YLPM1: variants seen among roughly 807,000 people sequenced by gnomAD.
The protein encoded by YLPM1 is YLP motif containing 1, also known as YLP motif-containing protein 1.
Under a neutral mutation model 230.0 loss-of-function variants are expected in YLPM1, and 99 were observed. The observed-to-expected ratio is 0.43, with a 90% CI of 0.37 to 0.51. The LOEUF (loss-of-function observed/expected upper bound fraction) is 0.51, where lower values mean the gene tolerates loss of function less well. Among genes scored for constraint, YLPM1 ranks in the 20% least tolerant of loss-of-function variants. YLPM1 has a pLI of 0.00. For synonymous variants in YLPM1, 984 were observed against 942.5 expected (o/e 1.04, Z -0.81); for missense variants, 2,592 against 2,707.7 (o/e 0.96, Z 0.95).
chr14:74,822,649 A>G (rs982868520), intron 17 of YLPM1, among the ~76,000 whole-genome samples: 1 of 152,152 alleles, frequency 6.6e-6, no homozygotes, highest in Non-Finnish European at 1.5e-5. Context: ...CCATTCAAAG[A>G]TGCAGAATTG....
At chr14:74,823,586 A>G (rs1424993824) in intron 17 of YLPM1, among the ~76,000 whole-genome samples, 2 of 152,140 alleles carry the variant, frequency 1.3e-5, no homozygotes, top group Non-Finnish European at 2.9e-5. Context: ...TGTAAGAGGA[A>G]AACATAATTT....
intron 2 of YLPM1, among the ~76,000 whole-genome samples, chr14:74,779,829 A>G (rs1594813221): frequency 3.6e-5 from 4 of 111,366 alleles, no homozygotes; most frequent in African/African-American, 3.8e-5. Context: ...TTTGAGATGG[A>G]GTCTTGCTCT....
In YLPM1 at chr14:74,764,247, C is replaced by G. The variant is rs539871695; in HGVS notation, c.758C>G (p.Pro253Arg). 5.0e-6 allele frequency: 8 copies of G among 1,613,814 alleles called. No individual in the cohort carries two copies. Among genetic ancestry groups the G allele is most frequent in the South Asian group, 1.1e-5 (1 of 91,090 alleles). The change falls in exon 1 of 21, where the codon CCC becomes CGC. Residue 253 changes from proline (P) to arginine (R), a missense_variant. By Grantham distance (103) the Pro-to-Arg change is moderately radical. Transcript: ENST00000325680. ...CTAGCTCCACCACCACCGTCCGCCC[C>G]CCCTGGAAATAAGACAACTGTCCAG... ...QLLAPPPPSA[P>R]PGNKTTVQQE...
rs189953928 is a variant in YLPM1, at chr14:74,798,502, C to A, written c.3205C>A (p.Arg1069=). The A allele has an allele frequency of 1.2e-4, 188 of 1,613,700 alleles. No homozygotes were observed. The Admixed American group carries it at 1.9e-3, about 17-fold the overall frequency. Residue 1069 remains arginine, a synonymous_variant, in exon 5 of 21, where the codon CGA becomes AGA. Transcript: ENST00000325680. ...GATGATGGGTAGAAGAGAAGATAGTCGAGAGAAGATGAACAGAGGAGAAGG... is the reference window on the plus strand; with the variant it reads ...GATGATGGGTAGAAGAGAAGATAGTAGAGAGAAGATGAACAGAGGAGAAGG... ...DKMMGRREDS[R]EKMNRGEGSR... is the part of the protein sequence containing the mutation.
chr14:74,779,101 C>CA (rs1284224913), intron 2 of YLPM1, among the ~76,000 whole-genome samples: 2 of 152,104 alleles, frequency 1.3e-5, no homozygotes, highest in Admixed American at 6.6e-5. Context: ...TTCGGCCTCC[C>CA]AAAGTGCTTG....
At chr14:74,779,394 T>A in intron 2 of YLPM1, among the ~76,000 whole-genome samples, 1 of 152,094 alleles carries the variant, frequency 6.6e-6, no homozygotes, top group Non-Finnish European at 1.5e-5. Context: ...CTCTGCAAAA[T>A]GGGTATATTC....
intron 1 of YLPM1, among the ~76,000 whole-genome samples, chr14:74,770,139 G>A (rs1423913530): frequency 1.3e-5 from 2 of 150,812 alleles, no homozygotes; most frequent in African/African-American, 4.9e-5. Flanking sequence ...CCGAGATCGC[G>A]CCACTGCACT....
In YLPM1 at chr14:74,809,405, C is replaced by T. The variant is rs535283513; in HGVS notation, c.4547C>T (p.Pro1516Leu). ...YPPPGSYRPP[P>L]PMGKPPGSIV... ...CCTCCAGGGTCGTATAGACCTCCCCCTCCTATGGGCAAACCACCAGGTTCA... is the reference window on the plus strand; with the variant it reads ...CCTCCAGGGTCGTATAGACCTCCCCTTCCTATGGGCAAACCACCAGGTTCA... Residue 1516 changes from proline (P) to leucine (L), a missense_variant, in exon 7 of 21, where the codon CCT becomes CTT. Coordinates refer to ENST00000325680, the MANE Select transcript of YLPM1 (RefSeq NM_019589.3). 6.2e-7 allele frequency: 1 copy of T among 1,609,190 alleles called. No homozygotes were observed. Among genetic ancestry groups the T allele is most frequent in the Non-Finnish European group, 8.5e-7 (1 of 1,177,494 alleles).
chr14:74,818,438 A>G, intron 16 of YLPM1, 124 bp downstream of exon 16: 1 of 643,628 alleles, frequency 1.6e-6, no homozygotes, highest in Non-Finnish European at 2.4e-6. Flanking sequence ...ACCTACTGAT[A>G]TGCCTTTCAT....
chr14:74,766,111 A>T (rs1423633600), intron 1 of YLPM1, among the ~76,000 whole-genome samples: 2 of 152,188 alleles, frequency 1.3e-5, no homozygotes, highest in East Asian at 3.8e-4. Context: ...TCCCTTGCAG[A>T]CAGGAATTAT....
Position 74,764,183 on chromosome 14 carries a change from C to G in YLPM1, c.694C>G (p.Pro232Ala), listed in dbSNP as rs1199364939. 6.2e-7 allele frequency: 1 copy of G among 1,613,562 alleles called. No homozygotes were observed. Among genetic ancestry groups the G allele is most frequent in the Non-Finnish European group, 8.5e-7 (1 of 1,179,830 alleles). The change falls in exon 1 of 21, where the codon CCT (proline) becomes GCT (alanine). Residue 232 changes from proline to alanine, a missense_variant. Pro to Ala is a conservative substitution (Grantham distance 27). Transcript: ENST00000325680. Reference protein sequence around the residue: ...QSYLPSSQASPSRPSQGHSKS... With the variant: ...QSYLPSSQASASRPSQGHSKS... ...CTACTTGCCCTCTTCTCAGGCATCT[C>G]CTTCCCGCCCCTCCCAGGGCCATTC...
intron 4 of YLPM1, among the ~76,000 whole-genome samples, chr14:74,795,815 G>A (rs1356086965): frequency 2.0e-5 from 3 of 152,136 alleles, no homozygotes; most frequent in Non-Finnish European, 2.9e-5. Flanking sequence ...TGTTATAATC[G>A]AGATCCAAGT....
rs760625854 is a variant in YLPM1, at chr14:74,799,416, T to C, written c.4119T>C (p.Ile1373=). 1 of 1,613,854 alleles carries C rather than the reference T, an allele frequency of 6.2e-7. No individual in the cohort carries two copies. The highest frequency in any genetic ancestry group is 8.5e-7 in the Non-Finnish European group (1 of 1,179,894). ...RDFRDRGELR[I]REYPERGDTW... is the part of the protein sequence containing the mutation. ...TCCGTGATAGGGGTGAGTTGAGGAT[T>C]CGAGAGTATCCAGAAAGAGGAGATA... The change falls in exon 5 of 21, where the codon ATT becomes ATC. Residue 1373 remains isoleucine (I), a synonymous_variant. Transcript: ENST00000325680.
rs1174181402 is a variant in YLPM1, at chr14:74,780,505, G to A, written c.1211G>A (p.Gly404Glu). 6 of 1,613,970 alleles carry A rather than the reference G, an allele frequency of 3.7e-6. No homozygotes were observed. The highest frequency in any genetic ancestry group is 5.1e-6 in the Non-Finnish European group (6 of 1,179,886). ...CATCGAGTCGGTTTCCAGTATCAGGGAATAATGCAGAAGCACACTCAGTTA... is the reference window on the plus strand; with the variant it reads ...CATCGAGTCGGTTTCCAGTATCAGGAAATAATGCAGAAGCACACTCAGTTA... ...QQHRVGFQYQ[G>E]IMQKHTQLQQ... Residue 404 changes from glycine (G) to glutamate (E), a missense_variant, in exon 3 of 21, where the codon GGA becomes GAA. By Grantham distance (98) the Gly-to-Glu change is moderately conservative. Around this residue, in one of 4 missense-constraint regions of YLPM1, gnomAD observed 1,862 missense variants for 1,819.8 expected, o/e 1.02. Coordinates refer to ENST00000325680, the MANE Select transcript of YLPM1 (RefSeq NM_019589.3).
intron 4 of YLPM1, among the ~76,000 whole-genome samples, chr14:74,784,534 G>A (rs1356597226): frequency 2.6e-5 from 4 of 152,198 alleles, no homozygotes; most frequent in African/African-American, 9.7e-5. Flanking sequence ...TAGAATCCAA[G>A]GACTTCTGAC....
chr14:74,810,834 T>A (rs1422448471), intron 9 of YLPM1, among the ~76,000 whole-genome samples: 2 of 152,114 alleles, frequency 1.3e-5, no homozygotes, highest in Non-Finnish European at 2.9e-5. Context: ...TACTATTTTG[T>A]ATGGAGACGG....
chr14:74,832,771 C>A (rs2091617146), intron 19 of YLPM1, among the ~76,000 whole-genome samples: 1 of 152,164 alleles, frequency 6.6e-6, no homozygotes, highest in South Asian at 2.1e-4. Flanking sequence ...CTGTGCCTGG[C>A]CTAATTCCAA....
chr14:74,799,580 A>G lies in YLPM1; in HGVS notation c.4283A>G (p.Glu1428Gly), dbSNP rs2091305146. The part of the protein sequence containing the change: ...EHMPSSHHSS[E>G]MMGSDASLDS... Reference sequence around the variant, plus strand: ...ATGCCCTCCTCACATCATTCCTCAGAAATGATGGGGTCCGATGCAAGCTTA... The same window carrying G: ...ATGCCCTCCTCACATCATTCCTCAGGAATGATGGGGTCCGATGCAAGCTTA... Residue 1428 changes from glutamate (E) to glycine (G), a missense_variant, in exon 5 of 21, where the codon GAA becomes GGA. This residue lies in a region of YLPM1 where 1,862 missense variants were observed against 1,819.8 expected (regional missense o/e 1.02). Transcript: ENST00000325680. 2 of 1,613,864 alleles carry G rather than the reference A, an allele frequency of 1.2e-6. No individual in the cohort carries two copies. The highest frequency in any genetic ancestry group is 1.1e-5 in the South Asian group (1 of 91,086).
At chr14:74,835,222 T>A in intron 19 of YLPM1, 43 bp from the exon 20 acceptor site, 2 of 1,605,738 alleles carry the variant, frequency 1.2e-6, no homozygotes, top group Non-Finnish European at 1.7e-6. Context: ...TCTTTGCATA[T>A]TTATTTTTCC....
Sources: allele counts gnomAD v4.1 joint callset (sites outside exome capture counted in the v4.1 genomes callset), GRCh38; gene constraint gnomAD v4.1.1; regional missense constraint gnomAD v4.1.1; transcripts MANE v1.5; gene names NCBI Gene and HGNC (gene_info 2026-07-23, HGNC 2026-07-21).